Variants in SIGLEC1 observed in about 807,000 individuals in gnomAD.
SIGLEC1 encodes the protein sialoadhesin.
SIGLEC1 carries 132 observed loss-of-function variants against 148.0 expected under a neutral mutation model. That is an observed-to-expected ratio of 0.89 (90% CI 0.77 to 1.03). The LOEUF (loss-of-function observed/expected upper bound fraction) is 1.03. Ranked by LOEUF, SIGLEC1 falls within the 50% of genes least tolerant of loss-of-function variation. The pLI is 0.00. For missense variants in SIGLEC1, 2,253 were observed against 2,271.4 expected (o/e 0.99, Z 0.16); for synonymous variants, 945 against 969.0 (o/e 0.98, Z 0.46).
At position 3,694,788 on chromosome 20, in the gene SIGLEC1, G is replaced by A. The variant is rs374046659; in HGVS notation, c.2819C>T (p.Ser940Leu). Residue 940 changes from serine to leucine, a missense_variant, in exon 12 of 22, where the codon TCG becomes TTG. Coordinates refer to ENST00000344754, the MANE Select transcript of SIGLEC1 (RefSeq NM_023068.4). Reference sequence around the variant, plus strand: ...TGCAAAGCGGAGCGTGGCCGAGGTCGACTCCTGGAGGGGCTGGCCATCCCG... The same window carrying A: ...TGCAAAGCGGAGCGTGGCCGAGGTCAACTCCTGGAGGGGCTGGCCATCCCG... ...WYRDGQPLQE[S>L]TSATLRFAAI... 3.1e-5 allele frequency: 50 copies of A among 1,613,490 alleles called. No individual in the cohort carries two copies. Among genetic ancestry groups the A allele is most frequent in the Middle Eastern group, 1.6e-4 (1 of 6,084 alleles).
At chr20:3,708,996 G>T (rs906457394) in intron 1 of SIGLEC1, among the ~76,000 whole-genome samples, 3 of 131,228 alleles carry the variant, frequency 2.3e-5, no homozygotes, top group Admixed American at 9.3e-5. Flanking sequence ...GGTGAGCCAG[G>T]ATCACGCCAC....
chr20:3,698,018 C>T lies in SIGLEC1; in HGVS notation c.1902G>A (p.Leu634=), dbSNP rs376042332. 8.1e-6 allele frequency: 13 copies of T among 1,610,112 alleles called. No individual in the cohort carries two copies. The African/African-American group carries it at 1.6e-4, about 20-fold the overall frequency. The change falls in exon 9 of 22, where the codon CTG becomes CTA. Residue 634 remains leucine (L), a synonymous_variant. Coordinates refer to ENST00000344754, the MANE Select transcript of SIGLEC1 (RefSeq NM_023068.4). The stretch of plus-strand genomic sequence containing the variant: ...CAACACGGTCCTTGTGGAGCAGCTG[C>T]AGCCTGGCGGGGGGGTCGCTGTCCA... ...CRVDSDPPAR[L]QLLHKDRVVA...
chr20:3,707,080 C>G lies in SIGLEC1; in HGVS notation c.49G>C (p.Gly17Arg), dbSNP rs766489294. 2 of 1,614,066 alleles carry G rather than the reference C, an allele frequency of 1.2e-6. No individual in the cohort carries two copies. Among genetic ancestry groups the G allele is most frequent in the South Asian group, 2.2e-5 (2 of 91,074 alleles). The change falls in exon 2 of 22, where the codon GGC becomes CGC. Residue 17 changes from glycine to arginine, a missense_variant and splice_region_variant. Physicochemically the swap from Gly to Arg is moderately radical, Grantham distance 125 (BLOSUM62 -2). Transcript: ENST00000344754. The stretch of plus-strand genomic sequence containing the variant: ...CAGGCACTAGGCCCGCAAAGCTTAC[C>G]TGCTGGGAAGAATGAGGCCAGGAGG... Reference protein sequence around the residue: ...LLLLASFFPAGQASWGVSSPQ... With the variant: ...LLLLASFFPARQASWGVSSPQ...
At position 3,696,570 on chromosome 20, in the gene SIGLEC1, G is replaced by C. The variant is rs1259175308; in HGVS notation, c.2683+16C>G. Reference sequence around the variant, plus strand: ...GGCATCAGAGTCTACCATATCTTCAGAAGACTGACACTCACCTCGGACCTG... The same window carrying C: ...GGCATCAGAGTCTACCATATCTTCACAAGACTGACACTCACCTCGGACCTG... On this transcript the variant is annotated intron_variant, in intron 11 of 21. Transcript: ENST00000344754. The C allele has an allele frequency of 2.5e-6, 4 of 1,590,044 alleles. No homozygotes were observed. The East Asian group carries it at 9.0e-5, about 36-fold the overall frequency.
rs560429066 is a variant in SIGLEC1 at position 3,689,316 on chromosome 20, A to G, written c.4998-89T>C. ...CCCGCTCCCCACAGGCTGGCTCCAG[A>G]CCACAAGAGCGTGGGAACCTCATGG... is the stretch of plus-strand genomic sequence containing the variant. On this transcript the variant is annotated intron_variant, in intron 20 of 21. Coordinates refer to ENST00000344754, the MANE Select transcript of SIGLEC1 (RefSeq NM_023068.4). 10 of 1,174,076 alleles carry G rather than the reference A, an allele frequency of 8.5e-6. No individual in the cohort carries two copies. In the African/African-American group the frequency reaches 1.2e-4, roughly 14 times the overall value. 72.7% of individuals were successfully genotyped at this position (1,174,076 alleles called of 1,614,324 possible). A position where few individuals can be genotyped will look rare whatever the true frequency, so the allele number is the denominator to read the frequency against.
chr20:3,697,456 G>T, intron 9 of SIGLEC1, 114 bp from the exon 10 acceptor site: 1 of 1,333,066 alleles, frequency 7.5e-7, no homozygotes, highest in Non-Finnish European at 1.0e-6. Flanking sequence ...CCACAGGGTT[G>T]GGGAGAAAAG....
At chr20:3,693,737 T>C (rs2088791462) in intron 13 of SIGLEC1, 39 bp from the exon 14 acceptor site, 2 of 1,535,924 alleles carry the variant, frequency 1.3e-6, no homozygotes, top group Admixed American at 1.9e-5. Flanking sequence ...GTGAGGGTCT[T>C]GAGGCTGTGT....
At chr20:3,691,232 C>T in intron 18 of SIGLEC1, 108 bp downstream of exon 18, 1 of 1,407,476 alleles carries the variant, frequency 7.1e-7, no homozygotes, top group Non-Finnish European at 9.9e-7. Context: ...CAACCCAGGA[C>T]TCAATATCCG....
chr20:3,705,781 A>G lies in SIGLEC1; in HGVS notation c.669T>C (p.Asn223=), dbSNP rs2087887708. The G allele has an allele frequency of 6.2e-7, 1 of 1,612,864 alleles. No homozygotes were observed. The highest frequency in any genetic ancestry group is 1.3e-5 in the African/African-American group (1 of 74,930). Residue 223 remains asparagine, a synonymous_variant, in exon 4 of 22, where the codon AAT becomes AAC. Transcript: ENST00000344754. ...GGTGAATCTCGCTCTGAGCCCTGTG[A>G]TTGGCCACGGAGAGCTGGCAGCGCA... ...RILRCQLSVA[N]HRAQSEIHLQ... is the part of the protein sequence containing the mutation.
Position 3,706,582 on chromosome 20 carries a change from G to C in SIGLEC1, c.174C>G (p.Ile58Met). 1 of 1,612,182 alleles carries C rather than the reference G, an allele frequency of 6.2e-7. No individual in the cohort carries two copies. The highest frequency in any genetic ancestry group is 8.5e-7 in the Non-Finnish European group (1 of 1,179,526). ...DVEVPDGITA[I>M]WYYDYSGQRQ... ...GCTGGCCCGAGTAGTCGTAGTACCA[G>C]ATGGCCGTGATGCCGTCGGGCACCT... The change falls in exon 3 of 22, where the codon ATC (isoleucine) becomes ATG (methionine). Residue 58 changes from isoleucine to methionine, a missense_variant. Ile to Met is a conservative substitution (Grantham distance 10, BLOSUM62 1). Coordinates refer to ENST00000344754, the MANE Select transcript of SIGLEC1 (RefSeq NM_023068.4).
chr20:3,708,654 G>A (rs2087911920), intron 1 of SIGLEC1, among the ~76,000 whole-genome samples: 1 of 152,094 alleles, frequency 6.6e-6, no homozygotes, highest in Non-Finnish European at 1.5e-5. Flanking sequence ...GGCTGAGGTG[G>A]GAAGATCGCT....
rs2088750502 is a variant in SIGLEC1 at position 3,690,799 on chromosome 20, T to C, written c.4592-535A>G. On this transcript the variant is annotated intron_variant, in intron 18 of 21. Coordinates refer to ENST00000344754, the MANE Select transcript of SIGLEC1 (RefSeq NM_023068.4). ...GCCAGACACACTCAGCACGCTTTAT[T>C]TCTTTTGGTTTTTTCTCTTCTTTTC... Among the ~76,000 whole-genome samples, 4 of 151,856 alleles carry C rather than the reference T, an allele frequency of 2.6e-5. No individual in the cohort carries two copies. In the South Asian group the frequency reaches 8.3e-4, roughly 32 times the overall value.
intron 20 of SIGLEC1, 91 bp downstream of exon 20, chr20:3,689,509 G>A (rs1433085085): frequency 7.2e-6 from 6 of 836,488 alleles, no homozygotes; most frequent in African/African-American, 5.2e-5. Context: ...AACTTAATAG[G>A]AGGTCCTAAA....
intron 13 of SIGLEC1, 52 bp downstream of exon 13, chr20:3,694,169 T>A: frequency 2.1e-6 from 3 of 1,408,844 alleles, no homozygotes; most frequent in Non-Finnish European, 2.9e-6. Flanking sequence ...TCTCCTCTTT[T>A]AAAGGACACA....
chr20:3,694,419 C>T lies in SIGLEC1; in HGVS notation c.3058G>A (p.Gly1020Arg), dbSNP rs749208279. 70 of 1,612,286 alleles carry T rather than the reference C, an allele frequency of 4.3e-5. No homozygotes were observed. Among genetic ancestry groups the T allele is most frequent in the Middle Eastern group, 1.7e-4 (1 of 6,060 alleles). The part of the protein sequence containing the change: ...DPPAQLRLLH[G>R]DRLVASTLQG... ...AGGGTGGAGGCCACAAGGCGATCCC[C>T]GTGGAGCAGCCGCAGCTGGGCCGGA... Residue 1020 changes from glycine to arginine, a missense_variant, in exon 13 of 22, where the codon GGG becomes AGG. Gly to Arg is a moderately radical substitution (Grantham distance 125, BLOSUM62 -2). Coordinates refer to ENST00000344754, the MANE Select transcript of SIGLEC1 (RefSeq NM_023068.4).
Position 3,710,317 on chromosome 20 carries a change from G to A in SIGLEC1, c.-110+2153C>T, listed in dbSNP as rs1417246761. Among the ~76,000 whole-genome samples the A allele has an allele frequency of 6.6e-6, 1 of 152,192 alleles. No individual in the cohort carries two copies. Among genetic ancestry groups the A allele is most frequent in the East Asian group, 1.9e-4 (1 of 5,190 alleles). ...ACTTAGCCTGCTGCAGAAGGCAGAA[G>A]GTGCCCCAGCAGGGGGCACAGTACA... On this transcript the variant is annotated intron_variant, in intron 1 of 21. Transcript: ENST00000344754. This position sits in a 1 kb window ranked among gnomAD's most constrained non-coding sequence, Gnocchi z 4.6.
At position 3,690,192 on chromosome 20, in the gene SIGLEC1, C is replaced by T. The variant is rs1426511275; in HGVS notation, c.4664G>A (p.Arg1555Gln). 8 of 1,565,916 alleles carry T rather than the reference C, an allele frequency of 5.1e-6. No individual in the cohort carries two copies. Among genetic ancestry groups the T allele is most frequent in the African/African-American group, 2.7e-5 (2 of 73,638 alleles). Residue 1555 changes from arginine (R) to glutamine (Q), a missense_variant, in exon 19 of 22, where the codon CGA becomes CAA. Arg to Gln is a conservative substitution (Grantham distance 43). Transcript: ENST00000344754. ...GCTGGCGAGCGGCTCGCTGTCCACT[C>T]GGCAATCCAGGATGCCCCGGAGGCC... ...EGGLRGILDC[R>Q]VDSEPLASLT...
Position 3,698,132 on chromosome 20 carries a change from G to A in SIGLEC1, c.1788C>T (p.Tyr596=), listed in dbSNP as rs763696268. The A allele has an allele frequency of 2.5e-6, 4 of 1,587,274 alleles. No individual in the cohort carries two copies. The highest frequency in any genetic ancestry group is 3.4e-6 in the Non-Finnish European group (4 of 1,170,016). Residue 596 remains tyrosine, a splice_region_variant and synonymous_variant, in exon 9 of 22, where the codon TAC becomes TAT. Transcript: ENST00000344754. ...PSSPAVLTVL[Y]PPRQPTFTTR... is the part of the protein sequence containing the mutation. ...TGGTGAATGTTGGTTGTCGAGGGGG[G>A]TCTGCAGGGAGGAAGAACATGGGCA...
At chr20:3,689,881 G>T in intron 19 of SIGLEC1, 81 bp downstream of exon 19, 1 of 1,277,276 alleles carries the variant, frequency 7.8e-7, no homozygotes, top group Non-Finnish European at 1.1e-6. Context: ...CAGCAGGAGG[G>T]ATACAGGGAA....
Sources: allele counts gnomAD v4.1 joint callset (sites outside exome capture counted in the v4.1 genomes callset), GRCh38; gene constraint gnomAD v4.1.1; non-coding constraint Gnocchi (gnomAD v3.1); transcripts MANE v1.5; gene names NCBI Gene and HGNC (gene_info 2026-07-23, HGNC 2026-07-21).